Variants in RARB observed in about 807,000 individuals in gnomAD.
RARB encodes the protein HBV-activated protein.
Under a neutral mutation model 51.9 loss-of-function variants are expected in RARB, and 17 were observed. The observed-to-expected ratio is 0.33, with a 90% CI of 0.22 to 0.49. RARB has a LOEUF of 0.49. RARB is among the 20% of genes least tolerant of loss of function. RARB has a pLI of 0.99. For missense variants in RARB, 369 were observed against 550.8 expected (o/e 0.67, Z 3.30); for synonymous variants, 215 against 195.4 (o/e 1.10, Z -0.84).
At chr3:24,940,980 C>T (rs531117431) in intron 2 of RARB, among the ~76,000 whole-genome samples, 2 of 152,220 alleles carry the variant, frequency 1.3e-5, no homozygotes, top group Admixed American at 6.5e-5. Flanking sequence ...CTTTTAAGAA[C>T]AGGGCCAACC....
Position 25,126,243 on chromosome 3 carries a change from G to GA in RARB, c.-327-5917dup, listed in dbSNP as rs148754552. Among the ~76,000 whole-genome samples the GA allele has an allele frequency of 4.3e-3, 648 of 152,114 alleles. 7 individuals are homozygous for GA. The East Asian group carries it at 0.044, about 10-fold the overall frequency. ...ATGTTTCCTTTAAAATATTACTGGA[G>GA]AGCAGTATTTCTGACCACAAAACCC... On this transcript the variant is annotated intron_variant, in intron 3 of 11. Coordinates refer to the RARB transcript ENST00000383772.
chr3:24,830,690 CGTCT>C (rs1017509826), intron 1 of RARB, among the ~76,000 whole-genome samples: 1 of 151,158 alleles, frequency 6.6e-6, no homozygotes, highest in Non-Finnish European at 1.5e-5. Flanking sequence ...TGTGTCTGTC[CGTCT>C]GTCTATCTGG....
At chr3:25,590,940 C>A (rs1488418626) in intron 5 of RARB, among the ~76,000 whole-genome samples, 1 of 152,212 alleles carries the variant, frequency 6.6e-6, no homozygotes, top group Non-Finnish European at 1.5e-5. Flanking sequence ...CACTTTACTT[C>A]CCACTTTCAG....
At chr3:25,544,079 A>G (rs947152845) in intron 3 of RARB, among the ~76,000 whole-genome samples, 1 of 152,264 alleles carries the variant, frequency 6.6e-6, no homozygotes, top group Non-Finnish European at 1.5e-5. Flanking sequence ...ATAGAAGGGA[A>G]CACTATACTG....
At chr3:25,471,618 T>C (rs2125569091) in intron 2 of RARB, among the ~76,000 whole-genome samples, 1 of 148,594 alleles carries the variant, frequency 6.7e-6, no homozygotes, top group South Asian at 2.1e-4. Context: ...TTTCCTTGAG[T>C]TGGCGTGGTA....
chr3:24,998,256 C>T (rs1044628652), intron 2 of RARB, among the ~76,000 whole-genome samples: 5 of 148,272 alleles, frequency 3.4e-5, no homozygotes, highest in East Asian at 4.0e-4. Context: ...TGGTGGTTCA[C>T]GGCCTTTTGA....
At chr3:25,215,989 G>A (rs1701824942) in intron 5 of RARB, among the ~76,000 whole-genome samples, 1 of 152,178 alleles carries the variant, frequency 6.6e-6, no homozygotes, top group Non-Finnish European at 1.5e-5. Flanking sequence ...TCCCAGAAGT[G>A]CCTTTCATAC....
In RARB at chr3:25,191,968, G is replaced by C. The variant is rs117766669; in HGVS notation, c.178+17393G>C. Among the ~76,000 whole-genome samples the C allele has an allele frequency of 2.2e-3, 333 of 152,258 alleles. 2 individuals carry two copies. Among genetic ancestry groups the C allele is most frequent in the East Asian group, 0.02 (104 of 5,170 alleles). The stretch of plus-strand genomic sequence containing the variant: ...GAAGAGAGTCTCTTAGGGGAAGACA[G>C]TGAGTGTTGACATAATATCGAATCA... On this transcript the variant is annotated intron_variant, in intron 5 of 11. Transcript: ENST00000383772.
intron 1 of RARB, among the ~76,000 whole-genome samples, chr3:25,443,636 T>A (rs1255601878): frequency 7.6e-6 from 1 of 132,282 alleles, no homozygotes; most frequent in Admixed American, 7.8e-5. Flanking sequence ...AAAAAAAAAA[T>A]GATAAAGCTA....
chr3:25,109,231 T>C (rs948697256), intron 3 of RARB, among the ~76,000 whole-genome samples: 1 of 152,228 alleles, frequency 6.6e-6, no homozygotes, highest in Admixed American at 6.5e-5. Context: ...TATTAGCTGG[T>C]ATTTCATTGA....
In RARB at chr3:24,849,328, G is replaced by A. The variant is rs79360106; in HGVS notation, c.-458-9346G>A. ...AACTGCAGATAAGGGGGGAGCTACT[G>A]TATATGCCGCGTGTGTTCATGGACA... On this transcript the variant is annotated intron_variant, in intron 1 of 11. Transcript: ENST00000383772. Among the ~76,000 whole-genome samples the A allele has an allele frequency of 7.6e-3, 1,158 of 152,334 alleles. 5 individuals are homozygous for A. The highest frequency in any genetic ancestry group is 0.012 in the Non-Finnish European group (805 of 68,038).
At chr3:24,979,755 G>A (rs1696602447) in intron 2 of RARB, among the ~76,000 whole-genome samples, 2 of 151,992 alleles carry the variant, frequency 1.3e-5, no homozygotes, top group South Asian at 4.2e-4. Flanking sequence ...TTTTAATTGG[G>A]ACATTTAACC....
Position 25,356,603 on chromosome 3 carries a change from T to G in RARB, c.179-104590T>G, listed in dbSNP as rs578002019. ...ATAGGTATACATGTGCCATGGTGGT[T>G]TGCTGCACCCATCAACCCATCATCT... is the stretch of plus-strand genomic sequence containing the variant. On this transcript the variant is annotated intron_variant, in intron 5 of 11. Transcript: ENST00000383772. Among the ~76,000 whole-genome samples, 10 of 152,152 alleles carry G rather than the reference T, an allele frequency of 6.6e-5. No homozygotes were observed. In the East Asian group the frequency reaches 9.7e-4, roughly 15 times the overall value.
chr3:25,522,201 A>C (rs1026617842), intron 3 of RARB, among the ~76,000 whole-genome samples: 2 of 152,066 alleles, frequency 1.3e-5, no homozygotes, highest in Admixed American at 1.3e-4. Context: ...TTGAAGTTGT[A>C]ATTATCCACT....
intron 5 of RARB, among the ~76,000 whole-genome samples, chr3:25,402,650 C>A (rs1361648461): frequency 6.6e-6 from 1 of 152,154 alleles, no homozygotes; most frequent in East Asian, 1.9e-4. Flanking sequence ...CTGACATTTG[C>A]AACAACTTGG....
chr3:25,513,229 G>A (rs1697988935), intron 3 of RARB, among the ~76,000 whole-genome samples: 1 of 151,912 alleles, frequency 6.6e-6, no homozygotes, highest in Admixed American at 6.6e-5. Flanking sequence ...GGAGGTTGCA[G>A]TGAGCTGAGA....
At chr3:25,093,570 C>T (rs1315185547) in intron 3 of RARB, among the ~76,000 whole-genome samples, 1 of 152,284 alleles carries the variant, frequency 6.6e-6, no homozygotes, top group Non-Finnish European at 1.5e-5. Flanking sequence ...AGCCTGAATT[C>T]TGCTTACATG....
intron 3 of RARB, among the ~76,000 whole-genome samples, chr3:25,526,906 G>A (rs928704791): frequency 6.6e-6 from 1 of 152,200 alleles, no homozygotes; most frequent in African/African-American, 2.4e-5. Flanking sequence ...GCCAATGAAT[G>A]TTCTTGCCAG....
chr3:25,487,169 C>T (rs1296402), intron 2 of RARB, among the ~76,000 whole-genome samples: 1 of 152,048 alleles, frequency 6.6e-6, no homozygotes, highest in African/African-American at 2.4e-5. Flanking sequence ...TACCCTCAGT[C>T]GCGTTTGACA....
Sources: allele counts gnomAD v4.1 joint callset (sites outside exome capture counted in the v4.1 genomes callset), GRCh38; gene constraint gnomAD v4.1.1; transcripts MANE v1.5; gene names NCBI Gene and HGNC (gene_info 2026-07-23, HGNC 2026-07-21).